Variants in PCDH10 observed in about 807,000 individuals in gnomAD.
PCDH10 encodes the protein protocadherin 10.
A neutral mutation model predicts 74.4 loss-of-function variants in PCDH10; 15 were observed. That is an observed-to-expected ratio of 0.20 (90% CI 0.13 to 0.31). The LOEUF (loss-of-function observed/expected upper bound fraction) is 0.31. Ranked by LOEUF, PCDH10 falls within the 10% of genes least tolerant of loss-of-function variation. The pLI is 1.00. For missense variants in PCDH10, 1,260 were observed against 1,390.2 expected (o/e 0.91, Z 1.49); for synonymous variants, 619 against 589.8 (o/e 1.05, Z -0.72).
intron 4 of PCDH10, among the ~76,000 whole-genome samples, chr4:133,165,075 T>C (rs1457409408): frequency 6.8e-6 from 1 of 148,092 alleles, no homozygotes; most frequent in East Asian, 1.9e-4. Flanking sequence ...CATATATATA[T>C]ACATACATAT....
At chr4:133,163,335 T>G in intron 4 of PCDH10, 53 bp downstream of exon 4, 1 of 1,437,942 alleles carries the variant, frequency 7.0e-7, no homozygotes, top group African/African-American at 1.4e-5. Context: ...GGAGATAAAG[T>G]TCAACATTCC....
chr4:133,201,622 C>G (rs537594038), intron 2 of PCDH10, among the ~76,000 whole-genome samples: 294 of 151,938 alleles, frequency 1.9e-3, no homozygotes, highest in African/African-American at 6.7e-3. Context: ...TTTGGGAGGC[C>G]AAGGTGGGCA....
intron 4 of PCDH10, among the ~76,000 whole-genome samples, chr4:133,165,728 A>C (rs1462396943): frequency 3.3e-5 from 5 of 151,896 alleles, no homozygotes; most frequent in Middle Eastern, 3.4e-3. Flanking sequence ...AAAGCTCTAA[A>C]AAGCCTAATG....
At position 133,191,962 on chromosome 4, in the gene PCDH10, T is replaced by TACACACACACACAC. The variant is rs763288357; in HGVS notation, c.*1803_*1804insCACACACACACACA. 14 of 139,460 alleles carry TACACACACACACAC rather than the reference T, an allele frequency of 1.0e-4. No individual in the cohort carries two copies. Among genetic ancestry groups the TACACACACACACAC allele is most frequent in the East Asian group, 4.0e-4 (2 of 4,984 alleles). The allele number at this position is 139,460 out of a possible 1,614,324, so 8.6% of individuals were successfully genotyped here. A position where few individuals can be genotyped will look rare whatever the true frequency, so the allele number is the denominator to read the frequency against. ...TAGATTTAACTTTAAAATACATATA[T>TACACACACACACAC]ATACACACACACACACACACACACA... On this transcript the variant is annotated 3_prime_UTR_variant, in exon 5 of 5. Coordinates refer to ENST00000264360, the MANE Select transcript of PCDH10 (RefSeq NM_032961.3).
At chr4:133,153,078 G>C (rs1457295828) in intron 1 of PCDH10, 1 of 1,348,590 alleles carries the variant, frequency 7.4e-7, no homozygotes, top group Non-Finnish European at 9.5e-7. Flanking sequence ...GGCATGAAGG[G>C]AAACTGCGTG....
intron 4 of PCDH10, among the ~76,000 whole-genome samples, chr4:133,178,069 C>A (rs1183378315): frequency 6.6e-6 from 1 of 152,092 alleles, no homozygotes; most frequent in Admixed American, 6.5e-5. Context: ...AATATTCTAG[C>A]TTGTCCAATC....
Position 133,151,919 on chromosome 4 carries a change from G to A in PCDH10, c.1779G>A (p.Ser593=), listed in dbSNP as rs1426531514. The A allele has an allele frequency of 6.2e-7, 1 of 1,612,064 alleles. No individual in the cohort carries two copies. Among genetic ancestry groups the A allele is most frequent in the African/African-American group, 1.3e-5 (1 of 74,940 alleles). ...GTPAREVLPR[S]AEPGYLLTRV... is the part of the protein sequence containing the mutation. ...CAGCGCGTGAGGTGCTGCCCCGCTC[G>A]GCGGAGCCGGGTTACCTGCTCACCC... The change falls in exon 1 of 5, where the codon TCG becomes TCA. Residue 593 remains serine (S), a synonymous_variant. Transcript: ENST00000264360.
At chr4:133,188,664 G>GGTTTTTTT (rs1383442284) in intron 4 of PCDH10, among the ~76,000 whole-genome samples, 1 of 134,990 alleles carries the variant, frequency 7.4e-6, no homozygotes. Context: ...GACTGCTATG[G>GGTTTTTTT]GTTTTTTTTT....
In PCDH10 at chr4:133,162,985, C is replaced by T; in HGVS notation, c.2806C>T (p.Leu936Phe). Residue 936 changes from leucine (L) to phenylalanine (F), a missense_variant, in exon 4 of 5, where the codon CTC (leucine) becomes TTC (phenylalanine). Transcript: ENST00000264360. ...TNRAQSAGMD[L>F]FSNCTEECKA... is the part of the protein sequence containing the mutation. ...CTGTTTTCTGCTTACAGGTATGGATCTCTTCTCCAATTGCACTGAGGAATG... is the reference window on the plus strand; with the variant it reads ...CTGTTTTCTGCTTACAGGTATGGATTTCTTCTCCAATTGCACTGAGGAATG... 6.2e-7 allele frequency: 1 copy of T among 1,610,198 alleles called. No homozygotes were observed. Among genetic ancestry groups the T allele is most frequent in the Non-Finnish European group, 8.5e-7 (1 of 1,177,000 alleles).
chr4:133,168,655 C>T (rs1400470823), intron 4 of PCDH10, among the ~76,000 whole-genome samples: 1 of 151,582 alleles, frequency 6.6e-6, no homozygotes, highest in African/African-American at 2.4e-5. Context: ...AGCTCTACTA[C>T]GATTTTTCTT....
At chr4:133,162,101 G>C (rs1726981742) in intron 3 of PCDH10, among the ~76,000 whole-genome samples, 1 of 152,080 alleles carries the variant, frequency 6.6e-6, no homozygotes, top group Admixed American at 6.6e-5. Context: ...ATTTGAACTT[G>C]TCCTTTGAAA....
chr4:133,155,122 G>T, intron 3 of PCDH10, 99 bp downstream of exon 3: 1 of 760,300 alleles, frequency 1.3e-6, no homozygotes, highest in South Asian at 1.5e-5. Context: ...TTTTCCATAG[G>T]TCTAATGCTG....
chr4:133,191,429 T>C lies in PCDH10; in HGVS notation c.*1269T>C, dbSNP rs1359321888. The stretch of plus-strand genomic sequence containing the variant: ...TAGAGATAGAATCATGGTACATTAT[T>C]GTTTCAGTATTCCATGTGAAAATTT... On this transcript the variant is annotated 3_prime_UTR_variant, in exon 5 of 5. Transcript: ENST00000264360. 6.6e-6 allele frequency: 1 copy of C among 152,228 alleles called. No individual in the cohort carries two copies. The highest frequency in any genetic ancestry group is 1.5e-5 in the Non-Finnish European group (1 of 67,768). 9.4% of individuals were successfully genotyped at this position (152,228 alleles called of 1,614,324 possible). A position where few individuals can be genotyped will look rare whatever the true frequency, so the allele number is the denominator to read the frequency against.
chr4:133,175,403 T>C (rs1427912439), intron 4 of PCDH10, among the ~76,000 whole-genome samples: 1 of 152,064 alleles, frequency 6.6e-6, no homozygotes, highest in Non-Finnish European at 1.5e-5. Context: ...CACAACTGTT[T>C]TCCAAGCACA....
intron 4 of PCDH10, among the ~76,000 whole-genome samples, chr4:133,170,583 T>C (rs1186980831): frequency 6.6e-6 from 1 of 152,128 alleles, no homozygotes; most frequent in Non-Finnish European, 1.5e-5. Flanking sequence ...AACATAGGAG[T>C]CAATGTATTT....
At chr4:133,164,206 A>G (rs1727033820) in intron 4 of PCDH10, among the ~76,000 whole-genome samples, 1 of 152,076 alleles carries the variant, frequency 6.6e-6, no homozygotes, top group South Asian at 2.1e-4. Flanking sequence ...AGAGAGAACA[A>G]ATACTTAAAG....
chr4:133,162,027 A>C, intron 3 of PCDH10, among the ~76,000 whole-genome samples: 1 of 152,284 alleles, frequency 6.6e-6, no homozygotes, highest in African/African-American at 2.4e-5. Context: ...AAGAAACTGA[A>C]TGACCTTTCT....
chr4:133,202,780 G>C lies in PCDH10; in HGVS notation n.438-5296G>C, dbSNP rs557899704. ...CATCCTGACTAATGGATGAAAAGCAGTAAAGGTCCATTGAGCTCCATCATG... is the reference window on the plus strand; with the variant it reads ...CATCCTGACTAATGGATGAAAAGCACTAAAGGTCCATTGAGCTCCATCATG... On this transcript the variant is annotated intron_variant and non_coding_transcript_variant, in intron 2 of 2. Transcript: ENST00000511112. Among the ~76,000 whole-genome samples, 4 of 152,134 alleles carry C rather than the reference G, an allele frequency of 2.6e-5. No individual in the cohort carries two copies. The East Asian group carries it at 5.8e-4, about 22-fold the overall frequency.
chr4:133,205,087 G>T (rs1560720394), intron 2 of PCDH10, among the ~76,000 whole-genome samples: 1 of 152,242 alleles, frequency 6.6e-6, no homozygotes, highest in East Asian at 1.9e-4. Context: ...CCTGTGCATG[G>T]TCTCCTTGAT....
Sources: allele counts gnomAD v4.1 joint callset (sites outside exome capture counted in the v4.1 genomes callset), GRCh38; gene constraint gnomAD v4.1.1; transcripts MANE v1.5; gene names NCBI Gene and HGNC (gene_info 2026-07-23, HGNC 2026-07-21).